The following CCDC9 variants were observed in gnomAD, a reference collection of about 807,000 sequenced individuals.
CCDC9 encodes the protein coiled-coil domain-containing protein 9.
CCDC9 carries 52 observed loss-of-function variants against 65.6 expected under a neutral mutation model. That is an observed-to-expected ratio of 0.79 (90% confidence interval 0.63 to 1.00). The LOEUF (loss-of-function observed/expected upper bound fraction) is 1.00, where lower values mean the gene tolerates loss of function less well. Among genes scored for constraint, CCDC9 ranks in the 50% least tolerant of loss-of-function variants. The pLI is 0.00. For synonymous variants in CCDC9, 332 were observed against 280.3 expected, an observed-to-expected ratio of 1.18 and a Z score of -1.84; for missense variants, 834 against 757.2, an observed-to-expected ratio of 1.10 and a Z score of -1.19.
At chr19:47,275,343 G>C, downstream of CCDC9, 1 of 1,542,630 alleles carries the variant, frequency 6.5e-7, no homozygotes, top group Non-Finnish European at 8.7e-7. Flanking sequence ...GCGAAGACCC[G>C]GGTAACTCTC....
chr19:47,260,530 C>T (rs2059037936), intron 4 of CCDC9, 58 bp from the exon 5 acceptor site: 2 of 1,573,850 alleles, frequency 1.3e-6, no homozygotes, highest in Non-Finnish European at 1.7e-6. Flanking sequence ...TGGCCTCCAT[C>T]CTGGCCGCAT....
At chr19:47,269,107 A>G (rs1319211770) in intron 8 of CCDC9, among the ~76,000 whole-genome samples, 1 of 151,992 alleles carries the variant, frequency 6.6e-6, no homozygotes, top group African/African-American at 2.4e-5. Flanking sequence ...CCCTATCTCT[A>G]AGAAAAAAAA....
chr19:47,270,224 C>G (rs983419699), intron 8 of CCDC9, among the ~76,000 whole-genome samples, 183 bp from the exon 9 acceptor site: 12 of 152,148 alleles, frequency 7.9e-5, no homozygotes, highest in African/African-American at 2.9e-4. Context: ...CTGCCTCGGC[C>G]TCCCAGAGTG....
At chr19:47,257,958 G>A (rs1239308367) in intron 1 of CCDC9, 3 of 195,096 alleles carry the variant, frequency 1.5e-5, no homozygotes, top group Non-Finnish European at 2.1e-5. Flanking sequence ...GTTGTAGTTG[G>A]AACTCTCTTG....
chr19:47,260,388 G>A lies in CCDC9; in HGVS notation c.176G>A (p.Arg59His), dbSNP rs951060044. The A allele has an allele frequency of 5.0e-6, 8 of 1,605,912 alleles. No individual in the cohort carries two copies. The highest frequency in any genetic ancestry group is 2.2e-5 in the South Asian group (2 of 89,712). The change falls in exon 4 of 12, where the codon CGC becomes CAC. Residue 59 changes from arginine to histidine, a missense_variant. Arg to His is a conservative substitution (Grantham distance 29). Coordinates refer to ENST00000221922, the MANE Select transcript of CCDC9 (RefSeq NM_015603.3). ...GVAVTAPRKGRSVEKENVAVE... is the reference protein window; with the variant it reads ...GVAVTAPRKGHSVEKENVAVE... The stretch of plus-strand genomic sequence containing the variant: ...GCAGTCACAGCTCCCCGAAAGGGCC[G>A]CTCAGTGGAGAAGGAGAACGTGGCA...
chr19:47,270,732 C>T (rs772300699), intron 10 of CCDC9, 44 bp downstream of exon 10: 39 of 1,558,344 alleles, frequency 2.5e-5, no homozygotes, highest in Admixed American at 2.5e-4. Flanking sequence ...CAGGGCTCTC[C>T]GCAGGGCGTT....
chr19:47,259,971 C>T (rs1036045957), intron 3 of CCDC9, among the ~76,000 whole-genome samples: 7 of 152,126 alleles, frequency 4.6e-5, no homozygotes, highest in South Asian at 2.1e-4. Flanking sequence ...CAGAGGGATC[C>T]GCTGGCGCAA....
chr19:47,273,874 C>A, downstream of CCDC9: 1 of 662,660 alleles, frequency 1.5e-6, no homozygotes, highest in Non-Finnish European at 1.9e-6. Flanking sequence ...GGCTGGGTCG[C>A]TGTGCTTGGC....
intron 7 of CCDC9, among the ~76,000 whole-genome samples, chr19:47,265,435 A>AT (rs2059075427): frequency 6.6e-6 from 1 of 151,940 alleles, no homozygotes; most frequent in South Asian, 2.1e-4. Flanking sequence ...TGACACCAGC[A>AT]TTTATGAGGC....
At chr19:47,260,024 C>A (rs2059034326) in intron 3 of CCDC9, among the ~76,000 whole-genome samples, 1 of 152,132 alleles carries the variant, frequency 6.6e-6, no homozygotes, top group African/African-American at 2.4e-5. Flanking sequence ...GTGGGAATAG[C>A]AAGGAAGCCG....
chr19:47,273,303 G>A (rs544198276), downstream of CCDC9: 3 of 1,091,448 alleles, frequency 2.7e-6, no homozygotes, highest in East Asian at 3.2e-5. Context: ...GCTGGGCCGG[G>A]GGGGAGGTGG....
In CCDC9 at chr19:47,260,568, C is replaced by T; in HGVS notation, c.211-20C>T. ...CTCCCTGCCCCAGTGACTGTATTTT[C>T]CCCATCTCCCCTCTTCCAGGAGAAG... is the stretch of plus-strand genomic sequence containing the variant. On this transcript the variant is annotated intron_variant, in intron 4 of 11. Transcript: ENST00000221922. 6.5e-7 allele frequency: 1 copy of T among 1,536,724 alleles called. No individual in the cohort carries two copies. Among genetic ancestry groups the T allele is most frequent in the East Asian group, 2.3e-5 (1 of 44,376 alleles).
At chr19:47,274,969 CG>C, downstream of CCDC9, 1 of 1,427,720 alleles carries the variant, frequency 7.0e-7, no homozygotes. Context: ...CCCGGAGGCG[CG>C]GGGCTGAGCG....
At position 47,258,631 on chromosome 19, in the gene CCDC9, C is replaced by G; in HGVS notation, c.76C>G (p.Arg26Gly). 1 of 1,614,058 alleles carries G rather than the reference C, an allele frequency of 6.2e-7. No homozygotes were observed. Among genetic ancestry groups the G allele is most frequent in the Non-Finnish European group, 8.5e-7 (1 of 1,179,932 alleles). Residue 26 changes from arginine (R) to glycine (G), a missense_variant, in exon 3 of 12, where the codon CGG becomes GGG. Arg to Gly is a moderately radical substitution (Grantham distance 125). Coordinates refer to ENST00000221922, the MANE Select transcript of CCDC9 (RefSeq NM_015603.3). ...GGACAAGAGGATCGAGGCTCTTCGG[C>G]GGAAGAATGAGGCCCTCATCCGGCG... is the stretch of plus-strand genomic sequence containing the variant. ...ELDKRIEALR[R>G]KNEALIRRYQ...
chr19:47,264,720 A>G, intron 6 of CCDC9, 34 bp downstream of exon 6: 1 of 1,602,836 alleles, frequency 6.2e-7, no homozygotes, highest in African/African-American at 1.3e-5. Flanking sequence ...GGCAGGGCCG[A>G]GCTGCCTGGG....
intron 5 of CCDC9, among the ~76,000 whole-genome samples, chr19:47,261,135 C>T (rs778607552): frequency 1.3e-5 from 2 of 152,068 alleles, no homozygotes; most frequent in Non-Finnish European, 2.9e-5. Context: ...TTCCTTCCCT[C>T]CCCTCTCCTG....
intron 8 of CCDC9, among the ~76,000 whole-genome samples, chr19:47,267,111 T>C (rs1008179764): frequency 5.9e-5 from 9 of 151,714 alleles, no homozygotes; most frequent in African/African-American, 9.7e-5. Flanking sequence ...ACTACAGGCG[T>C]CCGCCACCAC....
chr19:47,271,125 C>G lies in CCDC9; in HGVS notation c.1129C>G (p.Pro377Ala). Residue 377 changes from proline to alanine, a missense_variant, in exon 11 of 12, where the codon CCA becomes GCA. Transcript: ENST00000221922. ...RWETKEGAAS[P>A]APETPQPTSP... is the part of the protein sequence containing the mutation. ...GGAGACAAAAGAAGGGGCAGCATCC[C>G]CAGCCCCTGAGACTCCACAGCCTAC... 8 of 1,577,362 alleles carry G rather than the reference C, an allele frequency of 5.1e-6. No homozygotes were observed. Among genetic ancestry groups the G allele is most frequent in the Non-Finnish European group, 6.9e-6 (8 of 1,163,338 alleles).
chr19:47,270,309 T>C, intron 8 of CCDC9, 98 bp from the exon 9 acceptor site: 1 of 1,187,834 alleles, frequency 8.4e-7, no homozygotes, highest in East Asian at 2.5e-5. Context: ...TGACCGTCTG[T>C]CTCTGATCCG....
Sources: allele counts gnomAD v4.1 joint callset (sites outside exome capture counted in the v4.1 genomes callset), GRCh38; gene constraint gnomAD v4.1.1; transcripts MANE v1.5; gene names NCBI Gene and HGNC (gene_info 2026-07-23, HGNC 2026-07-21).